DNAH9: variants seen among roughly 807,000 people sequenced by gnomAD.
DNAH9 encodes dynein axonemal heavy chain 9, also known as DNAH9 variant protein.
A neutral mutation model predicts 471.6 loss-of-function variants in DNAH9; 345 were observed. The observed-to-expected ratio is 0.73, with a 90% CI of 0.67 to 0.80. The LOEUF (loss-of-function observed/expected upper bound fraction) is 0.80, where lower values mean the gene tolerates loss of function less well. Ranked by LOEUF, DNAH9 falls within the 30% of genes least tolerant of loss-of-function variation. The pLI, the probability that DNAH9 is intolerant of heterozygous loss-of-function variation, is 0.00. For missense variants in DNAH9, 5,407 were observed against 5,609.2 expected, an observed-to-expected ratio of 0.96 and a Z score of 1.15; for synonymous variants, 2,093 against 2,123.6, an observed-to-expected ratio of 0.99 and a Z score of 0.40.
In DNAH9 at chr17:11,728,526, T is replaced by TAA. The variant is rs1295865097; in HGVS notation, c.5814+616_5814+617dup. Among the ~76,000 whole-genome samples the TAA allele has an allele frequency of 9.6e-4, 20 of 20,936 alleles. 1 individual carries two copies. Among genetic ancestry groups the TAA allele is most frequent in the South Asian group, 6.6e-3 (2 of 304 alleles). 13.7% of individuals were successfully genotyped at this position (20,936 alleles called of 152,430 possible). ...GTTGAATGGAATGTGATCTCTGACC[T>TAA]AAAAAAAAAAAAACAAAAAAAACTT... On this transcript the variant is annotated intron_variant, in intron 28 of 68. Transcript: ENST00000262442.
chr17:11,761,379 C>G (rs4792170), intron 35 of DNAH9, among the ~76,000 whole-genome samples: 75,648 of 152,082 alleles, frequency 0.5, 19,635 homozygotes, highest in Admixed American at 0.58. Context: ...GCTGTAAAAG[C>G]GGGGTGGAGA....
At position 11,874,940 on chromosome 17, in the gene DNAH9, C is replaced by T; in HGVS notation, c.10243-9C>T. ...TTCTGAGCGTGGGGTGGTGTTTCTT[C>T]TTCACCAGACTCCCATTCCAGTCAC... On this transcript the variant is annotated splice_polypyrimidine_tract_variant and intron_variant, in intron 52 of 68. Coordinates refer to ENST00000262442, the MANE Select transcript of DNAH9 (RefSeq NM_001372.4). 1 of 1,606,228 alleles carries T rather than the reference C, an allele frequency of 6.2e-7. No homozygotes were observed. The highest frequency in any genetic ancestry group is 1.1e-5 in the South Asian group (1 of 90,906).
chr17:11,880,189 T>G lies in DNAH9; in HGVS notation c.10590T>G (p.Ile3530Met), dbSNP rs761831791. The change falls in exon 54 of 69, where the codon ATT (isoleucine) becomes ATG (methionine). Residue 3530 changes from isoleucine to methionine, a missense_variant. By Grantham distance (10) the Ile-to-Met change is conservative. Transcript: ENST00000262442. ...GACCCCTGCTTGGGAGAGAAGTCAT[T>G]AAAAAAGGACGGTAAGACTCAGCTG... is the stretch of plus-strand genomic sequence containing the variant. ...VLGPLLGREV[I>M]KKGRFIKIGD... The G allele has an allele frequency of 8.7e-6, 14 of 1,613,654 alleles. No individual in the cohort carries two copies. The East Asian group carries it at 3.1e-4, about 36-fold the overall frequency.
chr17:11,822,303 A>G (rs1970334706), intron 46 of DNAH9, 135 bp from the exon 47 acceptor site: 3 of 1,160,350 alleles, frequency 2.6e-6, no homozygotes, highest in Non-Finnish European at 3.7e-6. Context: ...GAGGCTGGCT[A>G]GCATTTACAG....
chr17:11,628,569 G>T (rs1026804203), intron 6 of DNAH9, among the ~76,000 whole-genome samples: 1 of 152,192 alleles, frequency 6.6e-6, no homozygotes. Flanking sequence ...TCCTATGCAC[G>T]CCCAGCGAGG....
At chr17:11,603,353 A>G (rs2072425891) in intron 1 of DNAH9, among the ~76,000 whole-genome samples, 1 of 152,028 alleles carries the variant, frequency 6.6e-6, no homozygotes, top group Non-Finnish European at 1.5e-5. Flanking sequence ...TGTTAACCTC[A>G]CTCTGAGACG....
At chr17:11,933,820 G>A (rs1974599333) in intron 64 of DNAH9, 60 bp from the exon 65 acceptor site, 3 of 1,520,364 alleles carry the variant, frequency 2.0e-6, no homozygotes, top group Non-Finnish European at 2.7e-6. Context: ...TGGGAGGCCA[G>A]CCCCGACGCC....
At chr17:11,746,552 A>G (rs569161675) in intron 31 of DNAH9, among the ~76,000 whole-genome samples, 2 of 152,284 alleles carry the variant, frequency 1.3e-5, no homozygotes, top group African/African-American at 2.4e-5. Flanking sequence ...CTCACTCAGT[A>G]TCACAAGAAC....
chr17:11,886,874 A>G lies in DNAH9; in HGVS notation c.11021A>G (p.His3674Arg). The G allele has an allele frequency of 6.2e-7, 1 of 1,612,880 alleles. No homozygotes were observed. Among genetic ancestry groups the G allele is most frequent in the Non-Finnish European group, 8.5e-7 (1 of 1,179,488 alleles). The change falls in exon 57 of 69, where the codon CAC (histidine) becomes CGC (arginine). Residue 3674 changes from histidine to arginine, a missense_variant. His to Arg is a conservative substitution (Grantham distance 29, BLOSUM62 0). Coordinates refer to ENST00000262442, the MANE Select transcript of DNAH9 (RefSeq NM_001372.4). ...TEVKINEARE[H>R]YRPAAARASL... ...GTGAAAATCAACGAGGCCCGAGAGC[A>G]CTACCGGCCAGCAGCTGCCAGGGCC...
intron 14 of DNAH9, 129 bp downstream of exon 14, chr17:11,653,131 A>C: frequency 1.0e-6 from 1 of 1,001,752 alleles, no homozygotes; most frequent in Admixed American, 2.4e-5. Flanking sequence ...ATAGAAGTTT[A>C]GGCTGATAGC....
chr17:11,778,551 A>G (rs987892546), intron 38 of DNAH9, among the ~76,000 whole-genome samples: 1 of 151,994 alleles, frequency 6.6e-6, no homozygotes, highest in Non-Finnish European at 1.5e-5. Flanking sequence ...TTACAAGGGT[A>G]TTCTTGTCTG....
chr17:11,967,227 T>A (rs1370975895), intron 68 of DNAH9, among the ~76,000 whole-genome samples: 1 of 151,774 alleles, frequency 6.6e-6, no homozygotes, highest in Non-Finnish European at 1.5e-5. Flanking sequence ...TTGCCTCAGT[T>A]CCCAAGTAGC....
chr17:11,890,979 A>C (rs1035749467), intron 57 of DNAH9, among the ~76,000 whole-genome samples: 1 of 152,124 alleles, frequency 6.6e-6, no homozygotes, highest in Non-Finnish European at 1.5e-5. Context: ...GAACCACTGC[A>C]CCTGGCCTTG....
chr17:11,823,618 G>A (rs1164560860), intron 48 of DNAH9, among the ~76,000 whole-genome samples: 1 of 152,140 alleles, frequency 6.6e-6, no homozygotes, highest in African/African-American at 2.4e-5. Flanking sequence ...ATCTCTATCT[G>A]AGTAGTTGGC....
intron 6 of DNAH9, among the ~76,000 whole-genome samples, chr17:11,622,489 C>G (rs1245831114): frequency 2.6e-5 from 4 of 152,126 alleles, no homozygotes; most frequent in Non-Finnish European, 5.9e-5. Flanking sequence ...GAGGGACACT[C>G]CAGCCCCAGC....
intron 50 of DNAH9, among the ~76,000 whole-genome samples, chr17:11,864,310 G>T (rs1971963915): frequency 6.6e-6 from 1 of 152,016 alleles, no homozygotes; most frequent in South Asian, 2.1e-4. Context: ...AGGTTGTTCA[G>T]TTTCCATATA....
At chr17:11,708,932 G>A (rs1318225674) in intron 26 of DNAH9, among the ~76,000 whole-genome samples, 1 of 152,138 alleles carries the variant, frequency 6.6e-6, no homozygotes, top group Admixed American at 6.6e-5. Flanking sequence ...TACTCCTTGA[G>A]TGAATGCAAT....
At chr17:11,797,336 G>C (rs1333600852) in intron 42 of DNAH9, among the ~76,000 whole-genome samples, 1 of 152,110 alleles carries the variant, frequency 6.6e-6, no homozygotes, top group African/African-American at 2.4e-5. Flanking sequence ...CTCTTACCGT[G>C]CTTGTGAGGA....
At chr17:11,935,373 ATT>A (rs140943753) in intron 65 of DNAH9, among the ~76,000 whole-genome samples, 2,851 of 140,350 alleles carry the variant, frequency 0.02, 73 homozygotes, top group African/African-American at 0.062. Context: ...ATTCCAAAAG[ATT>A]TTTTTTTTTT....
Sources: gnomAD v4.1 joint callset for allele counts (sites outside exome capture counted in the v4.1 genomes callset) on GRCh38, gnomAD v4.1.1 for gene constraint, MANE v1.5 for transcripts, NCBI Gene and HGNC (gene_info 2026-07-23, HGNC 2026-07-21) for gene names.